Variants in TRIM5 observed in about 807,000 individuals in gnomAD.
TRIM5 encodes the protein tripartite motif containing 5.
TRIM5 carries 31 observed loss-of-function variants against 35.6 expected under a neutral mutation model. The ratio of observed to expected loss-of-function variants is 0.87; its 90% CI spans 0.65 to 1.18. The LOEUF is 1.18. Among genes scored for constraint, TRIM5 ranks in the 50% most tolerant of loss-of-function variants. TRIM5 has a pLI of 0.00. For synonymous variants in TRIM5, 243 were observed against 215.6 expected, an observed-to-expected ratio of 1.13 and a Z score of -1.11; for missense variants, 609 against 591.6, an observed-to-expected ratio of 1.03 and a Z score of -0.31.
At chr11:5,610,391 G>A in the TRIM5 span, 267 of 1,571,528 alleles carry the variant, frequency 1.7e-4, no homozygotes, top group Admixed American at 7.6e-4. Flanking sequence ...AAGAAGATGC[G>A]GTTTGTATTT....
chr11:5,600,440 C>G, the TRIM5 span, among the ~76,000 whole-genome samples: 1 of 152,194 alleles, frequency 6.6e-6, no homozygotes, highest in South Asian at 2.1e-4. Context: ...TGCAGAAGCA[C>G]CACAGAACAC....
chr11:5,605,279 T>C, the TRIM5 span: 1 of 1,610,112 alleles, frequency 6.2e-7, no homozygotes, highest in Admixed American at 1.7e-5. Flanking sequence ...CCGCTTTTAA[T>C]AGAGGAGACC....
chr11:5,589,922 G>A, the TRIM5 span: 7 of 153,890 alleles, frequency 4.5e-5, no homozygotes, highest in East Asian at 1.2e-3. Flanking sequence ...GGCGCTTGCG[G>A]GCCAGCTGGA....
chr11:5,608,609 G>T, the TRIM5 span, among the ~76,000 whole-genome samples: 1 of 151,964 alleles, frequency 6.6e-6, no homozygotes, highest in Non-Finnish European at 1.5e-5. Flanking sequence ...AGTAGGTGGG[G>T]ACAGTACTGT....
chr11:5,594,160 G>T, the TRIM5 span, among the ~76,000 whole-genome samples: 3 of 152,054 alleles, frequency 2.0e-5, no homozygotes, highest in African/African-American at 7.2e-5. Flanking sequence ...TTGAATTATT[G>T]CCAAGTACCT....
At chr11:5,631,853 A>G in the TRIM5 span, among the ~76,000 whole-genome samples, 2 of 152,314 alleles carry the variant, frequency 1.3e-5, no homozygotes, top group East Asian at 3.9e-4. Context: ...ATCTACATGT[A>G]GATTATGTTT....
At chr11:5,608,239 C>T in the TRIM5 span, 2 of 1,360,402 alleles carry the variant, frequency 1.5e-6, no homozygotes, top group African/African-American at 1.5e-5. Flanking sequence ...TGAGTTTTTT[C>T]TCTACTTTGT....
chr11:5,602,753 A>G, the TRIM5 span, among the ~76,000 whole-genome samples: 222 of 151,792 alleles, frequency 1.5e-3, 2 homozygotes, highest in African/African-American at 5.2e-3. Flanking sequence ...CAGGAGTTCA[A>G]GACCACCCTG....
At chr11:5,589,779 CA>C in the TRIM5 span, 1 of 159,008 alleles carries the variant, frequency 6.3e-6, no homozygotes, top group Non-Finnish European at 1.4e-5. Context: ...ACTTTGGCGG[CA>C]CTTGAGGAGC....
the TRIM5 span, among the ~76,000 whole-genome samples, chr11:5,638,631 A>T: frequency 4.1e-4 from 63 of 152,254 alleles, 1 homozygote; most frequent in African/African-American, 1.5e-3. Flanking sequence ...TGTCTGGGAC[A>T]GGGACTGAGT....
chr11:5,654,287 G>C, the TRIM5 span, among the ~76,000 whole-genome samples: 2 of 152,008 alleles, frequency 1.3e-5, no homozygotes, highest in East Asian at 3.9e-4. Context: ...ATTTCTTCCA[G>C]TTTTACAGAT....
intron 4 of TRIM5, among the ~76,000 whole-genome samples, chr11:5,673,951 C>T (rs1040314229): frequency 1.3e-5 from 2 of 151,652 alleles, no homozygotes; most frequent in Admixed American, 6.6e-5. Flanking sequence ...AAAAAGATTT[C>T]ACAGCATCTA....
chr11:5,617,845 T>TA, the TRIM5 span, among the ~76,000 whole-genome samples: 1 of 151,414 alleles, frequency 6.6e-6, no homozygotes, highest in Non-Finnish European at 1.5e-5. Context: ...TATCCTTTTT[T>TA]TAAAAAAAAT....
the TRIM5 span, chr11:5,634,863 T>A: frequency 6.2e-7 from 1 of 1,610,994 alleles, no homozygotes; most frequent in African/African-American, 1.3e-5. Context: ...CTGCTGCAGG[T>A]AAGAAGGTTC....
chr11:5,613,578 G>A, the TRIM5 span, among the ~76,000 whole-genome samples: 1 of 152,134 alleles, frequency 6.6e-6, no homozygotes, highest in South Asian at 2.1e-4. Context: ...CTATGGGGCT[G>A]GTGGAAGTTC....
the TRIM5 span, among the ~76,000 whole-genome samples, chr11:5,602,098 A>G: frequency 6.6e-6 from 1 of 152,152 alleles, no homozygotes; most frequent in East Asian, 1.9e-4. Flanking sequence ...TGGAGCTTAC[A>G]TTTCACTGCG....
At chr11:5,649,599 G>T in the TRIM5 span, among the ~76,000 whole-genome samples, 2 of 152,280 alleles carry the variant, frequency 1.3e-5, no homozygotes, top group African/African-American at 4.8e-5. Flanking sequence ...ACCCAAAGTG[G>T]CTGGGTGGCT....
the TRIM5 span, among the ~76,000 whole-genome samples, chr11:5,633,555 G>A: frequency 0.017 from 2,584 of 152,258 alleles, 77 homozygotes; most frequent in African/African-American, 0.059. Flanking sequence ...TTTCTGCAGG[G>A]TAAATACTTA....
chr11:5,647,880 G>A, the TRIM5 span, among the ~76,000 whole-genome samples: 45 of 152,060 alleles, frequency 3.0e-4, no homozygotes, highest in Admixed American at 6.6e-5. Context: ...GTGATGTCAC[G>A]GGGGTCTGAT....
Sources: gnomAD v4.1 joint callset for allele counts (sites outside exome capture counted in the v4.1 genomes callset) on GRCh38, gnomAD v4.1.1 for gene constraint, MANE v1.5 for transcripts, NCBI Gene and HGNC (gene_info 2026-07-23, HGNC 2026-07-21) for gene names.